Variants in ERC2 observed in about 807,000 individuals in gnomAD.
ERC2 encodes ERC protein 2.
A neutral mutation model predicts 114.8 loss-of-function variants in ERC2; 42 were observed. The ratio of observed to expected loss-of-function variants is 0.37; its 90% confidence interval spans 0.29 to 0.47. ERC2 has a LOEUF of 0.47. Among genes scored for constraint, ERC2 ranks in the 20% least tolerant of loss-of-function variants. The pLI is 0.99. For synonymous variants in ERC2, 454 were observed against 425.5 expected (o/e 1.07, Z -0.82); for missense variants, 939 against 1,150.7 (o/e 0.82, Z 2.66).
At chr3:56,147,072 T>A (rs1339743091) in intron 5 of ERC2, among the ~76,000 whole-genome samples, 1 of 152,162 alleles carries the variant, frequency 6.6e-6, no homozygotes, top group Non-Finnish European at 1.5e-5. Flanking sequence ...TTGAACAATC[T>A]CCCATTGTGG....
In ERC2 at chr3:56,468,257, G is replaced by A. The variant is rs567332320; in HGVS notation, c.-150C>T. The A allele has an allele frequency of 6.6e-6, 1 of 152,042 alleles. No homozygotes were observed. The highest frequency in any genetic ancestry group is 1.5e-5 in the Non-Finnish European group (1 of 67,952). The allele number at this position is 152,042 out of a possible 1,614,324, so 9.4% of individuals were successfully genotyped here. A position where few individuals can be genotyped will look rare whatever the true frequency, so the allele number is the denominator to read the frequency against. ...GGCGTCGGCGTCTCACCTTTCCGAT[G>A]CTCGCCCCGGGGCCGTCCCACATGG... On this transcript the variant is annotated 5_prime_UTR_variant, in exon 1 of 18. Transcript: ENST00000288221.
At position 55,559,750 on chromosome 3, in the gene ERC2, G is replaced by C. The variant is rs77379031; in HGVS notation, c.*40-48474C>G. 9.8e-3 allele frequency among the ~76,000 whole-genome samples: 1,489 copies of C among 152,346 alleles called. 14 individuals carry two copies. Among genetic ancestry groups the C allele is most frequent in the Non-Finnish European group, 0.016 (1,096 of 68,032 alleles). On this transcript the variant is annotated intron_variant, in intron 17 of 17. Coordinates refer to ENST00000288221, the MANE Select transcript of ERC2 (RefSeq NM_015576.3). Reference sequence around the variant, plus strand: ...TCCACTGGAGATGTGAACAAAGAGAGAACAAGAGAGATTAATTTCTTTTTA... The same window carrying C: ...TCCACTGGAGATGTGAACAAAGAGACAACAAGAGAGATTAATTTCTTTTTA...
chr3:55,895,605 C>T (rs907109999), intron 13 of ERC2, among the ~76,000 whole-genome samples: 1 of 152,192 alleles, frequency 6.6e-6, no homozygotes, highest in Non-Finnish European at 1.5e-5. Context: ...TATAATACAA[C>T]TGGACTGTAA....
In ERC2 at chr3:56,129,933, G is replaced by C. The variant is rs144698115; in HGVS notation, c.1473+9576C>G. Among the ~76,000 whole-genome samples the C allele has an allele frequency of 5.1e-3, 775 of 152,192 alleles. 8 individuals are homozygous for C. Among genetic ancestry groups the C allele is most frequent in the African/African-American group, 0.018 (745 of 41,522 alleles). On this transcript the variant is annotated intron_variant, in intron 6 of 17. Transcript: ENST00000288221. ...AATAACATCCTAATGAGCTCAAAAA[G>C]AAGGTCCAAATTCTTTTGTTCCACT... is the stretch of plus-strand genomic sequence containing the variant.
At chr3:55,613,859 G>A (rs1193855248) in intron 17 of ERC2, among the ~76,000 whole-genome samples, 3 of 151,682 alleles carry the variant, frequency 2.0e-5, no homozygotes, top group East Asian at 1.9e-4. Context: ...GGTGGGCAAC[G>A]TAATCCCAGC....
chr3:55,858,545 G>A (rs2061889134), intron 14 of ERC2, among the ~76,000 whole-genome samples: 3 of 152,122 alleles, frequency 2.0e-5, no homozygotes, highest in East Asian at 3.8e-4. Flanking sequence ...CAGAAGATAG[G>A]TATCACAGCC....
chr3:55,923,636 T>C (rs763594339), intron 13 of ERC2, among the ~76,000 whole-genome samples: 2 of 152,176 alleles, frequency 1.3e-5, no homozygotes, highest in Admixed American at 1.3e-4. Flanking sequence ...AGCTCCAGGA[T>C]AGGCTACAAA....
intron 14 of ERC2, among the ~76,000 whole-genome samples, chr3:55,866,589 C>T (rs2062327141): frequency 6.6e-6 from 1 of 152,114 alleles, no homozygotes; most frequent in African/African-American, 2.4e-5. Context: ...AGGAGTGTTA[C>T]AGTTTTAACT....
intron 14 of ERC2, among the ~76,000 whole-genome samples, chr3:55,803,338 T>A (rs1362028174): frequency 1.3e-5 from 2 of 152,168 alleles, no homozygotes; most frequent in South Asian, 2.1e-4. Context: ...ACCTCACACT[T>A]AAACATAACG....
chr3:56,372,563 AC>A (rs1261768313), intron 2 of ERC2, among the ~76,000 whole-genome samples: 7 of 152,044 alleles, frequency 4.6e-5, no homozygotes, highest in Non-Finnish European at 8.8e-5. Context: ...CCCCATCTCT[AC>A]AAAAACTACA....
intron 14 of ERC2, among the ~76,000 whole-genome samples, chr3:55,885,761 T>G (rs55971093): frequency 0.097 from 14,787 of 152,274 alleles, 827 homozygotes; most frequent in South Asian, 0.17. Context: ...TAGTGCCATT[T>G]GCATACATAT....
chr3:56,013,331 T>A (rs916948588), intron 8 of ERC2, among the ~76,000 whole-genome samples: 3 of 152,238 alleles, frequency 2.0e-5, no homozygotes, highest in Admixed American at 6.5e-5. Flanking sequence ...TTATTAATCA[T>A]TTTGTTTCAC....
Position 55,992,205 on chromosome 3 carries a change from C to A in ERC2, c.2107G>T (p.Asp703Tyr). Residue 703 changes from aspartate (D) to tyrosine (Y), a missense_variant, in exon 11 of 18, where the codon GAC becomes TAC. By Grantham distance (160) the Asp-to-Tyr change is radical. This residue lies in a region of ERC2 where 328 missense variants were observed against 353.9 expected (regional missense o/e 0.93). Coordinates refer to ENST00000288221, the MANE Select transcript of ERC2 (RefSeq NM_015576.3). The stretch of plus-strand genomic sequence containing the variant: ...TCTTTATCGAGCTGTTTTATTTGGT[C>A]TGCAAACTCAGGGTTCATCCTGGAG... ...DDSRMNPEFA[D>Y]QIKQLDKEAS... 4 of 1,613,808 alleles carry A rather than the reference C, an allele frequency of 2.5e-6. No homozygotes were observed. The highest frequency in any genetic ancestry group is 3.4e-6 in the Non-Finnish European group (4 of 1,179,792).
rs1245042320 is a variant in ERC2, at chr3:55,657,654, T to C, written c.*39+26140A>G. 8 of 152,124 alleles carry C rather than the reference T, an allele frequency of 5.3e-5. No homozygotes were observed. The East Asian group carries it at 1.5e-3, about 29-fold the overall frequency. The allele number at this position is 152,124 out of a possible 1,614,324, so 9.4% of individuals were successfully genotyped here. ...TATTTTTTGAAAATAGAGAGAGGAT[T>C]TTGCCATGTTTCCCAGGCTGGCCTT... On this transcript the variant is annotated intron_variant, in intron 17 of 17. Coordinates refer to ENST00000288221, the MANE Select transcript of ERC2 (RefSeq NM_015576.3).
At chr3:56,094,111 T>C (rs1227764119) in intron 6 of ERC2, among the ~76,000 whole-genome samples, 1 of 152,244 alleles carries the variant, frequency 6.6e-6, no homozygotes, top group Admixed American at 6.5e-5. Flanking sequence ...TAAGAACACA[T>C]AATAATATCC....
At chr3:55,952,119 C>T (rs1340907757) in intron 12 of ERC2, among the ~76,000 whole-genome samples, 1 of 140,094 alleles carries the variant, frequency 7.1e-6, no homozygotes, top group South Asian at 2.4e-4. Flanking sequence ...TGCAACATAG[C>T]AAGGCCCCAT....
intron 10 of ERC2, among the ~76,000 whole-genome samples, chr3:56,003,823 A>T (rs373016270): frequency 1.3e-5 from 2 of 152,106 alleles, no homozygotes; most frequent in East Asian, 3.9e-4. Context: ...AGTGCTTTAG[A>T]ATCTATAATG....
At chr3:56,194,785 C>T (rs1399669110) in intron 3 of ERC2, among the ~76,000 whole-genome samples, 6 of 151,974 alleles carry the variant, frequency 3.9e-5, no homozygotes, top group Non-Finnish European at 7.4e-5. Flanking sequence ...CTGACTGAAA[C>T]ATCATTATGC....
At chr3:55,680,834 G>C (rs796526312) in intron 17 of ERC2, among the ~76,000 whole-genome samples, 1 of 152,208 alleles carries the variant, frequency 6.6e-6, no homozygotes, top group Non-Finnish European at 1.5e-5. Flanking sequence ...GGAGTATAAA[G>C]AGAATTGGGA....
Sources: allele counts gnomAD v4.1 joint callset (sites outside exome capture counted in the v4.1 genomes callset), GRCh38; gene constraint gnomAD v4.1.1; regional missense constraint gnomAD v4.1.1; transcripts MANE v1.5; gene names NCBI Gene and HGNC (gene_info 2026-07-23, HGNC 2026-07-21).